Variants in GARS1 observed in about 807,000 individuals in gnomAD.
The protein encoded by GARS1 is glycine--tRNA ligase.
A neutral mutation model predicts 86.4 loss-of-function variants in GARS1; 46 were observed. That is an observed-to-expected ratio of 0.53 (90% CI 0.42 to 0.68). The LOEUF is 0.68. Among genes scored for constraint, GARS1 ranks in the 30% least tolerant of loss-of-function variants. The pLI is 0.00. For synonymous variants in GARS1, 342 were observed against 329.8 expected (o/e 1.04, Z -0.40); for missense variants, 797 against 915.6 (o/e 0.87, Z 1.67).
At chr7:30,609,806 T>C in intron 7 of GARS1, 76 bp downstream of exon 7, 1 of 1,440,858 alleles carries the variant, frequency 6.9e-7, no homozygotes, top group Admixed American at 1.8e-5. Context: ...TAAATATCAA[T>C]GTTATGAAGG....
Position 30,632,359 on chromosome 7 carries a change from T to G in GARS1, c.2016T>G (p.Ile672Met), listed in dbSNP as rs768607839. The G allele has an allele frequency of 6.2e-7, 1 of 1,614,014 alleles. No individual in the cohort carries two copies. Among genetic ancestry groups the G allele is most frequent in the African/African-American group, 1.3e-5 (1 of 74,922 alleles). The change falls in exon 16 of 17, where the codon ATT becomes ATG. Residue 672 changes from isoleucine (I) to methionine (M), a missense_variant. Coordinates refer to ENST00000389266, the MANE Select transcript of GARS1 (RefSeq NM_002047.4). The surrounding 1 kb of genome is among the most constrained non-coding windows in gnomAD (Gnocchi z 4.1). ...DEIGVAFGVTIDFDTVNKTPH... is the reference protein window; with the variant it reads ...DEIGVAFGVTMDFDTVNKTPH... ...TTGGCGTGGCTTTTGGTGTCACCAT[T>G]GACTTTGACACAGTGAACAAGACCC...
At chr7:30,595,629 C>G (rs938358732) in intron 1 of GARS1, among the ~76,000 whole-genome samples, 2 of 152,222 alleles carry the variant, frequency 1.3e-5, no homozygotes, top group African/African-American at 4.8e-5. Flanking sequence ...GTCTTACGGC[C>G]AGGCCCTTTA....
In GARS1 at chr7:30,632,864, G is replaced by T. The variant is rs1048081603; in HGVS notation, c.2094+427G>T. 2.6e-4 allele frequency among the ~76,000 whole-genome samples: 40 copies of T among 152,326 alleles called. No individual in the cohort carries two copies. The highest frequency in any genetic ancestry group is 9.1e-4 in the African/African-American group (38 of 41,574). On this transcript the variant is annotated intron_variant, in intron 16 of 16. Transcript: ENST00000389266. The surrounding 1 kb of genome is among the most constrained non-coding windows in gnomAD (Gnocchi z 4.1). ...ATTCAAAACAGTGAATCATGTTTCAGTAGTTTTGGTCAATAGGAAGGCAGT... is the reference window on the plus strand; with the variant it reads ...ATTCAAAACAGTGAATCATGTTTCATTAGTTTTGGTCAATAGGAAGGCAGT...
intron 12 of GARS1, among the ~76,000 whole-genome samples, chr7:30,625,416 A>G (rs1297779374): frequency 2.0e-5 from 3 of 152,212 alleles, no homozygotes; most frequent in Non-Finnish European, 2.9e-5. Context: ...GAGGCATGAG[A>G]TTATCACAGG....
chr7:30,607,349 A>G (rs1013028222), intron 6 of GARS1, among the ~76,000 whole-genome samples: 1 of 152,232 alleles, frequency 6.6e-6, no homozygotes, highest in Non-Finnish European at 1.5e-5. Flanking sequence ...CATATATACC[A>G]TGGAATACTA....
chr7:30,598,574 C>T (rs551995080), intron 1 of GARS1, among the ~76,000 whole-genome samples: 3 of 151,748 alleles, frequency 2.0e-5, no homozygotes, highest in South Asian at 2.1e-4. Flanking sequence ...TTTTCAGTAG[C>T]GATGGTGTAT....
At chr7:30,598,472 T>C (rs1338150479) in intron 1 of GARS1, among the ~76,000 whole-genome samples, 1 of 138,960 alleles carries the variant, frequency 7.2e-6, no homozygotes. Context: ...CAGTGCAACC[T>C]CCGCCTTCCG....
chr7:30,619,924 C>T (rs1267650067), intron 10 of GARS1, among the ~76,000 whole-genome samples: 1 of 151,682 alleles, frequency 6.6e-6, no homozygotes, highest in Non-Finnish European at 1.5e-5. Context: ...ATTACAGATA[C>T]ATGGCACTGC....
rs78284531 is a variant in GARS1, at chr7:30,617,034, G to A, written c.1195-80G>A. On this transcript the variant is annotated intron_variant, in intron 9 of 16. Transcript: ENST00000389266. ...ATATTTTTCAGTAGAGTGAGTCAAT[G>A]GAAACCGATATCTTGGCTTTGAAGA... 0.15 allele frequency: 211,846 copies of A among 1,446,312 alleles called. 16,947 individuals carry two copies. The highest frequency in any genetic ancestry group is 0.16 in the Non-Finnish European group (167,174 of 1,034,354). 89.6% of individuals were successfully genotyped at this position (1,446,312 alleles called of 1,614,324 possible). A position where few individuals can be genotyped will look rare whatever the true frequency, so the allele number is the denominator to read the frequency against.
intron 10 of GARS1, among the ~76,000 whole-genome samples, chr7:30,620,357 T>G (rs1782980009): frequency 6.6e-6 from 1 of 152,164 alleles, no homozygotes; most frequent in South Asian, 2.1e-4. Context: ...CGTCTGATCC[T>G]TGTGAGGGCC....
intron 14 of GARS1, 163 bp from the exon 15 acceptor site, chr7:30,631,285 T>C: frequency 3.6e-6 from 2 of 557,708 alleles, no homozygotes; most frequent in South Asian, 1.9e-5. Context: ...CTGGTTCTGC[T>C]TCTCTTTTGC....
chr7:30,605,159 G>C (rs557229626), intron 6 of GARS1, among the ~76,000 whole-genome samples: 26 of 152,338 alleles, frequency 1.7e-4, no homozygotes, highest in African/African-American at 6.0e-4. Flanking sequence ...CTTAAGCACA[G>C]AGTAGCGTTT....
At chr7:30,599,840 A>T in intron 2 of GARS1, 107 bp from the exon 3 acceptor site, 1 of 749,360 alleles carries the variant, frequency 1.3e-6, no homozygotes, top group Non-Finnish European at 2.2e-6. Context: ...TGTCTGTTTG[A>T]TAAATTTTAT....
At chr7:30,602,818 C>A (rs540987431) in intron 4 of GARS1, among the ~76,000 whole-genome samples, 34 of 152,108 alleles carry the variant, frequency 2.2e-4, no homozygotes, top group Non-Finnish European at 4.6e-4. Context: ...TGTCTTCTTT[C>A]TTATGGGAAG....
At chr7:30,628,125 A>G (rs1479321413) in intron 13 of GARS1, among the ~76,000 whole-genome samples, 1 of 152,106 alleles carries the variant, frequency 6.6e-6, no homozygotes, top group Non-Finnish European at 1.5e-5. Flanking sequence ...TCTGATATAC[A>G]GAGATAAAAA....
chr7:30,609,506 C>A, intron 6 of GARS1, 79 bp from the exon 7 acceptor site: 1 of 1,246,180 alleles, frequency 8.0e-7, no homozygotes, highest in Non-Finnish European at 1.2e-6. Context: ...CAGTGGATGG[C>A]TAGGGTTATA....
In GARS1 at chr7:30,631,531, C is replaced by T; in HGVS notation, c.1893C>T (p.Val631=). 1 of 1,611,430 alleles carries T rather than the reference C, an allele frequency of 6.2e-7. No individual in the cohort carries two copies. The highest frequency in any genetic ancestry group is 8.5e-7 in the Non-Finnish European group (1 of 1,177,800). The change falls in exon 15 of 17, where the codon GTC becomes GTT. Residue 631 remains valine (V), a synonymous_variant. Transcript: ENST00000389266. ...AAAACCAGGAGTTCATGCCATTTGT[C>T]AAGGAATTATGTAAGCAAATTCAAT... ...LSQNQEFMPF[V]KELSEALTRH... is the part of the protein sequence containing the mutation.
rs774732829 is a variant in GARS1 at position 30,601,165 on chromosome 7, C to T, written c.534C>T (p.Ile178=). 6.2e-6 allele frequency: 10 copies of T among 1,613,950 alleles called. No individual in the cohort carries two copies. The highest frequency in any genetic ancestry group is 4.0e-5 in the African/African-American group (3 of 74,906). The part of the protein sequence containing the change: ...HFIQEEQILE[I]DCTMLTPEPV... ...TCCAAGAGGAACAGATCCTGGAGATCGATTGCACCATGCTCACCCCTGAGC... is the reference window on the plus strand; with the variant it reads ...TCCAAGAGGAACAGATCCTGGAGATTGATTGCACCATGCTCACCCCTGAGC... Residue 178 remains isoleucine, a synonymous_variant, in exon 4 of 17, where the codon ATC becomes ATT. Coordinates refer to ENST00000389266, the MANE Select transcript of GARS1 (RefSeq NM_002047.4).
At chr7:30,612,072 AGAC>A (rs1440862277) in intron 7 of GARS1, 21 bp from the exon 8 acceptor site, 2 of 1,601,680 alleles carry the variant, frequency 1.2e-6, no homozygotes, top group African/African-American at 2.7e-5. Context: ...TCTTTGTAAC[AGAC>A]TGACTTACTT....
Sources: gnomAD v4.1 joint callset for allele counts (sites outside exome capture counted in the v4.1 genomes callset) on GRCh38, gnomAD v4.1.1 for gene constraint, Gnocchi (gnomAD v3.1) non-coding constraint, MANE v1.5 for transcripts, NCBI Gene and HGNC (gene_info 2026-07-23, HGNC 2026-07-21) for gene names.